The following BPNT1 variants were observed in gnomAD, a reference collection of about 807,000 sequenced individuals.
BPNT1 encodes 3'(2'),5'-bisphosphate nucleotidase 1.
A neutral mutation model predicts 36.9 loss-of-function variants in BPNT1; 28 were observed. That is an observed-to-expected ratio of 0.76 (90% CI 0.56 to 1.04). The LOEUF (loss-of-function observed/expected upper bound fraction) is 1.04. Ranked by LOEUF, BPNT1 falls within the 50% of genes least tolerant of loss-of-function variation. The pLI, the probability that BPNT1 is intolerant of heterozygous loss-of-function variation, is 0.00. For missense variants in BPNT1, 313 were observed against 372.9 expected, an observed-to-expected ratio of 0.84 and a Z score of 1.32; for synonymous variants, 119 against 130.9, an observed-to-expected ratio of 0.91 and a Z score of 0.62.
intron 7 of BPNT1, among the ~76,000 whole-genome samples, chr1:220,060,763 C>T (rs148926898): frequency 1.5e-3 from 221 of 152,160 alleles, no homozygotes; most frequent in African/African-American, 4.7e-3. Context: ...AGAACATGTG[C>T]CCAAGGCAGT....
Position 220,084,789 on chromosome 1 carries a change from C to T in BPNT1, c.-9+4897G>A, listed in dbSNP as rs372757210. Among the ~76,000 whole-genome samples, 102 of 152,038 alleles carry T rather than the reference C, an allele frequency of 6.7e-4. 2 individuals carry two copies. The South Asian group carries it at 0.02, about 30-fold the overall frequency. Reference sequence around the variant, plus strand: ...ACAAAATGATATTATATTTATTAACCACCAGTTAAAGCTAACATCAGCTTA... The same window carrying T: ...ACAAAATGATATTATATTTATTAACTACCAGTTAAAGCTAACATCAGCTTA... On this transcript the variant is annotated intron_variant, in intron 1 of 8. Transcript: ENST00000322067.
intron 8 of BPNT1, among the ~76,000 whole-genome samples, 161 bp downstream of exon 8, chr1:220,059,525 A>G (rs1373916387): frequency 6.6e-6 from 1 of 152,146 alleles, no homozygotes; most frequent in Non-Finnish European, 1.5e-5. Flanking sequence ...CTGCTCTCTC[A>G]TCCATCTATC....
At position 220,059,795 on chromosome 1, in the gene BPNT1, TA is replaced by T; in HGVS notation, c.673-5del. The T allele has an allele frequency of 6.4e-7, 1 of 1,573,728 alleles. No individual in the cohort carries two copies. The highest frequency in any genetic ancestry group is 8.6e-7 in the Non-Finnish European group (1 of 1,158,342). ...TGCCTTCAATCAGCTGAATAATCTGTAAGGGTAAAAATAAGAATTATCCTTT... is the reference window on the plus strand; with the variant it reads ...TGCCTTCAATCAGCTGAATAATCTGTAGGGTAAAAATAAGAATTATCCTTT... On this transcript the variant is annotated splice_polypyrimidine_tract_variant and splice_region_variant and intron_variant, in intron 7 of 8. Coordinates refer to ENST00000322067, the MANE Select transcript of BPNT1 (RefSeq NM_006085.6).
chr1:220,088,478 C>CA (rs58383315), intron 1 of BPNT1, among the ~76,000 whole-genome samples: 1,893 of 64,194 alleles, frequency 0.029, 46 homozygotes, highest in African/African-American at 0.076. Context: ...GACTCCGACT[C>CA]AAAAAAAAAA....
chr1:220,080,187 G>T (rs147438719), intron 1 of BPNT1, among the ~76,000 whole-genome samples: 1 of 152,290 alleles, frequency 6.6e-6, no homozygotes, highest in African/African-American at 2.4e-5. Flanking sequence ...TGCTTTGTAG[G>T]CTAAAAATAT....
chr1:220,087,520 T>C (rs554828467), intron 1 of BPNT1, among the ~76,000 whole-genome samples: 17 of 151,512 alleles, frequency 1.1e-4, no homozygotes, highest in East Asian at 2.0e-4. Flanking sequence ...ATTTGCACCA[T>C]TGCACTCCAG....
At chr1:220,075,836 G>T (rs974694128) in intron 2 of BPNT1, among the ~76,000 whole-genome samples, 1 of 152,074 alleles carries the variant, frequency 6.6e-6, no homozygotes, top group African/African-American at 2.4e-5. Context: ...CAATGAGAAT[G>T]TTACCTTTTT....
intron 8 of BPNT1, 129 bp from the exon 9 acceptor site, chr1:220,059,121 G>A: frequency 1.3e-6 from 1 of 774,482 alleles, no homozygotes; most frequent in Non-Finnish European, 2.0e-6. Flanking sequence ...AATAATGAGT[G>A]TCCATAAAGG....
At chr1:220,078,284 C>A (rs1664739944) in intron 2 of BPNT1, among the ~76,000 whole-genome samples, 1 of 141,800 alleles carries the variant, frequency 7.1e-6, no homozygotes, top group African/African-American at 2.6e-5. Context: ...GAAGTAATTA[C>A]CAAATCCCAA....
In BPNT1 at chr1:220,062,843, G is replaced by A. The variant is rs1345117434; in HGVS notation, c.586C>T (p.Arg196Ter). 1.2e-6 allele frequency: 2 copies of A among 1,614,102 alleles called. No homozygotes were observed. Among genetic ancestry groups the A allele is most frequent in the South Asian group, 1.1e-5 (1 of 91,078 alleles). The change falls in exon 7 of 9, where the codon CGA (arginine) becomes TGA (stop). Residue 196 changes from arginine to a stop codon, truncating the protein, a stop_gained. Transcript: ENST00000322067. LOFTEE classifies it high-confidence loss of function. ...GTAACCAACTTGTTGCTATGGGATC[G>A]AGTAGTTGTGATAATGTGTTTCCCA... The part of the protein sequence containing the change: ...PAGKHIITTT[R>*]SHSNKLVTDC...
chr1:220,069,459 T>C, intron 4 of BPNT1, 27 bp from the exon 5 acceptor site: 1 of 1,572,304 alleles, frequency 6.4e-7, no homozygotes, highest in Non-Finnish European at 8.7e-7. Flanking sequence ...AGAAGGAAAA[T>C]ATCTAAATCA....
Position 220,058,614 on chromosome 1 carries a change from C to T in BPNT1, c.*230G>A, listed in dbSNP as rs142081812. On this transcript the variant is annotated 3_prime_UTR_variant, in exon 9 of 9. Coordinates refer to ENST00000322067, the MANE Select transcript of BPNT1 (RefSeq NM_006085.6). ...TGGCACGATCTCAGCTCACTGCAAC[C>T]TCTGCCTTCCGGGCTCAAGAGATTC... The T allele has an allele frequency of 1.3e-4, 104 of 810,964 alleles. No individual in the cohort carries two copies. The African/African-American group carries it at 1.7e-3, about 13-fold the overall frequency. 50.2% of individuals were successfully genotyped at this position (810,964 alleles called of 1,614,324 possible). A position where few individuals can be genotyped will look rare whatever the true frequency, so the allele number is the denominator to read the frequency against.
chr1:220,083,034 C>G (rs1057501234), intron 1 of BPNT1, among the ~76,000 whole-genome samples: 1 of 151,648 alleles, frequency 6.6e-6, no homozygotes. Flanking sequence ...GTCAGGAGTT[C>G]GAGACCAGCC....
intron 6 of BPNT1, among the ~76,000 whole-genome samples, chr1:220,064,013 T>C (rs1663302721): frequency 6.6e-6 from 1 of 152,178 alleles, no homozygotes; most frequent in Non-Finnish European, 1.5e-5. Flanking sequence ...GATATACATA[T>C]TGTACTGAAC....
At chr1:220,079,662 A>G in intron 2 of BPNT1, 65 bp downstream of exon 2, 1 of 1,592,776 alleles carries the variant, frequency 6.3e-7, no homozygotes, top group Non-Finnish European at 8.6e-7. Context: ...ACATTTTTAT[A>G]TCATTTAGCT....
At chr1:220,082,085 T>TATATATATATAGAGAGAGAGAG (rs1171093697) in intron 1 of BPNT1, among the ~76,000 whole-genome samples, 1 of 103,296 alleles carries the variant, frequency 9.7e-6, no homozygotes, top group African/African-American at 3.8e-5. Context: ...TATATATATA[T>TATATATATATAGAGAGAGAGAG]AGAGAGAGAG....
In BPNT1 at chr1:220,058,826, G is replaced by A; in HGVS notation, c.*18C>T. The A allele has an allele frequency of 6.2e-7, 1 of 1,612,456 alleles. No homozygotes were observed. Among genetic ancestry groups the A allele is most frequent in the Non-Finnish European group, 8.5e-7 (1 of 1,178,896 alleles). On this transcript the variant is annotated 3_prime_UTR_variant, in exon 9 of 9. Transcript: ENST00000322067. The stretch of plus-strand genomic sequence containing the variant: ...TTACAGGCATGAGCCACCGCGCCCG[G>A]CCAAATGAAACTTTCCTTTAAGGAA...
At chr1:220,075,367 C>T (rs755388598) in intron 2 of BPNT1, among the ~76,000 whole-genome samples, 1 of 152,126 alleles carries the variant, frequency 6.6e-6, no homozygotes, top group Non-Finnish European at 1.5e-5. Flanking sequence ...TTTAACAATA[C>T]TTTGCAATGA....
At position 220,057,843 on chromosome 1, in the gene BPNT1, A is replaced by G. The variant is rs1460920534; in HGVS notation, c.*1001T>C. 3.1e-6 allele frequency: 4 copies of G among 1,302,844 alleles called. No individual in the cohort carries two copies. Among genetic ancestry groups the G allele is most frequent in the African/African-American group, 1.5e-5 (1 of 65,826 alleles). 80.7% of individuals were successfully genotyped at this position (1,302,844 alleles called of 1,614,324 possible). The stretch of plus-strand genomic sequence containing the variant: ...TAGAAACGTTTTTAAAATTACTGTG[A>G]AAAACAAGAGTGAGATTCCAGAAAA... On this transcript the variant is annotated 3_prime_UTR_variant, in exon 9 of 9. Transcript: ENST00000322067.
Sources: allele counts gnomAD v4.1 joint callset (sites outside exome capture counted in the v4.1 genomes callset), GRCh38; gene constraint gnomAD v4.1.1; transcripts MANE v1.5; gene names NCBI Gene and HGNC (gene_info 2026-07-23, HGNC 2026-07-21).